GNA13: variants seen among roughly 807,000 people sequenced by gnomAD.
GNA13 encodes guanine nucleotide-binding protein subunit alpha-13.
GNA13 carries 4 observed loss-of-function variants against 33.5 expected under a neutral mutation model. The observed-to-expected ratio is 0.12, with a 90% CI of 0.06 to 0.27. GNA13 has a LOEUF of 0.27. Ranked by LOEUF, GNA13 falls within the 10% of genes least tolerant of loss-of-function variation. GNA13 has a pLI of 1.00. For missense variants in GNA13, 319 were observed against 487.2 expected (o/e 0.65, Z 3.25); for synonymous variants, 176 against 183.8 (o/e 0.96, Z 0.34).
Position 65,056,530 on chromosome 17 carries a change from T to C in GNA13, c.64A>G (p.Ser22Gly). 1 of 1,612,658 alleles carries C rather than the reference T, an allele frequency of 6.2e-7. No individual in the cohort carries two copies. The highest frequency in any genetic ancestry group is 8.5e-7 in the Non-Finnish European group (1 of 1,179,632). ...TTGCGTTGCTGCTCGGCCTCGCCAC[T>C]CGTCAGCAGGCAGCCGGGGAAGCAC... is the stretch of plus-strand genomic sequence containing the variant. Reference protein sequence around the residue: ...SVCFPGCLLTSGEAEQQRKSK... With the variant: ...SVCFPGCLLTGGEAEQQRKSK... Residue 22 changes from serine to glycine, a missense_variant, in exon 1 of 4, where the codon AGT becomes GGT. Ser to Gly is a moderately conservative substitution (Grantham distance 56). Around this residue, in one of 4 missense-constraint regions of GNA13, gnomAD observed 47 missense variants for 64.7 expected, o/e 0.73. Transcript: ENST00000439174.
At chr17:65,046,869 TAGAA>T (rs771909565) in intron 2 of GNA13, among the ~76,000 whole-genome samples, 9 of 152,176 alleles carry the variant, frequency 5.9e-5, no homozygotes, top group Admixed American at 1.3e-4. Flanking sequence ...AAAGGTAATA[TAGAA>T]AGCAGCACAG....
intron 1 of GNA13, among the ~76,000 whole-genome samples, chr17:65,054,692 G>A (rs1182910904): frequency 6.6e-6 from 1 of 152,142 alleles, no homozygotes; most frequent in African/African-American, 2.4e-5. Flanking sequence ...CATAATCAAT[G>A]CTCAACGTAG....
chr17:65,015,662 T>TAA (rs59210481), intron 3 of GNA13, among the ~76,000 whole-genome samples: 4,864 of 74,556 alleles, frequency 0.065, 270 homozygotes, highest in African/African-American at 0.07. Context: ...GACTTTGTCT[T>TAA]AAAAAAAAAA....
At chr17:65,033,580 A>G (rs1218810237) in intron 2 of GNA13, among the ~76,000 whole-genome samples, 1 of 152,180 alleles carries the variant, frequency 6.6e-6, no homozygotes, top group African/African-American at 2.4e-5. Flanking sequence ...GGAGGAGTAA[A>G]ATGTTCAGTT....
At chr17:65,015,662 TAAA>T (rs59210481) in intron 3 of GNA13, among the ~76,000 whole-genome samples, 11 of 74,698 alleles carry the variant, frequency 1.5e-4, no homozygotes, top group Non-Finnish European at 2.3e-4. Flanking sequence ...GACTTTGTCT[TAAA>T]AAAAAAAAAA....
Position 65,014,399 on chromosome 17 carries a change from C to T in GNA13, c.992G>A (p.Arg331Gln), listed in dbSNP as rs551449071. The change falls in exon 4 of 4, where the codon CGG becomes CAG. Residue 331 changes from arginine to glutamine, a missense_variant. This residue lies in a region of GNA13 where 134 missense variants were observed against 241.3 expected (regional missense o/e 0.56). Coordinates refer to ENST00000439174, the MANE Select transcript of GNA13 (RefSeq NM_006572.6). The surrounding 1 kb of genome is among the most constrained non-coding windows in gnomAD (Gnocchi z 5.3). Reference sequence around the variant, plus strand: ...CTGTTGCTGGTCCCGGCGTTTGTTCCGGAAACATTCCACCAGGAATTTTTG... The same window carrying T: ...CTGTTGCTGGTCCCGGCGTTTGTTCTGGAAACATTCCACCAGGAATTTTTG... ...DVQKFLVECF[R>Q]NKRRDQQQKP... 6.2e-6 allele frequency: 10 copies of T among 1,614,058 alleles called. No individual in the cohort carries two copies. The highest frequency in any genetic ancestry group is 7.6e-6 in the Non-Finnish European group (9 of 1,180,002).
Position 65,014,559 on chromosome 17 carries a change from T to A in GNA13, c.832A>T (p.Asn278Tyr). 6.2e-7 allele frequency: 1 copy of A among 1,614,170 alleles called. No homozygotes were observed. Among genetic ancestry groups the A allele is most frequent in the Non-Finnish European group, 8.5e-7 (1 of 1,179,988 alleles). ...ATGGAGACATTGCTGAAAACCCGGT[T>A]ATTGACGATTGTTTCAAAAATGTTC... The part of the protein sequence containing the change: ...SLNIFETIVN[N>Y]RVFSNVSIIL... Residue 278 changes from asparagine to tyrosine, a missense_variant, in exon 4 of 4, where the codon AAC becomes TAC. Around this residue, in one of 4 missense-constraint regions of GNA13, gnomAD observed 134 missense variants for 241.3 expected, o/e 0.56. Transcript: ENST00000439174. This position sits in a 1 kb window ranked among gnomAD's most constrained non-coding sequence, Gnocchi z 5.3.
At chr17:65,028,580 A>T (rs1349785119) in intron 2 of GNA13, among the ~76,000 whole-genome samples, 1 of 152,132 alleles carries the variant, frequency 6.6e-6, no homozygotes, top group African/African-American at 2.4e-5. Context: ...ACTGGTACTT[A>T]GGGCATTTCA....
intron 2 of GNA13, among the ~76,000 whole-genome samples, chr17:65,025,023 C>T (rs1338896810): frequency 6.6e-6 from 1 of 152,078 alleles, no homozygotes; most frequent in Non-Finnish European, 1.5e-5. Flanking sequence ...CAGCCTCCAG[C>T]GTAGGTGGGA....
chr17:65,051,638 A>G (rs537390528), intron 2 of GNA13, among the ~76,000 whole-genome samples: 1 of 152,286 alleles, frequency 6.6e-6, no homozygotes, highest in South Asian at 2.1e-4. Flanking sequence ...AACAGGAGGT[A>G]GAGTGATGGG....
intron 2 of GNA13, among the ~76,000 whole-genome samples, chr17:65,048,695 G>A (rs1907756208): frequency 6.6e-6 from 1 of 152,146 alleles, no homozygotes; most frequent in Admixed American, 6.5e-5. Flanking sequence ...TAACAAATGA[G>A]TAGTCTGCTA....
At chr17:65,018,587 G>A (rs570765398) in intron 2 of GNA13, among the ~76,000 whole-genome samples, 1 of 152,214 alleles carries the variant, frequency 6.6e-6, no homozygotes, top group African/African-American at 2.4e-5. Context: ...CTATAACTAC[G>A]TATCCACAGT....
In GNA13 at chr17:65,037,643, A is replaced by G. The variant is rs922357563; in HGVS notation, c.510+15859T>C. Among the ~76,000 whole-genome samples the G allele has an allele frequency of 6.1e-4, 93 of 151,958 alleles. 1 individual carries two copies. Among genetic ancestry groups the G allele is most frequent in the Non-Finnish European group, 5.0e-4 (34 of 68,000 alleles). ...AGATGTAGAGATTTCTCAAGACTCT[A>G]CTGTCAGACTGAGCACAGTGGCTCA... On this transcript the variant is annotated intron_variant, in intron 2 of 3. Transcript: ENST00000439174.
rs776425874 is a variant in GNA13, at chr17:65,014,335, C to T, written c.1056G>A (p.Thr352=). The T allele has an allele frequency of 4.3e-6, 7 of 1,613,652 alleles. No homozygotes were observed. Among genetic ancestry groups the T allele is most frequent in the East Asian group, 2.2e-5 (1 of 44,890 alleles). Residue 352 remains threonine (T), a synonymous_variant, in exon 4 of 4, where the codon ACG becomes ACA. Coordinates refer to ENST00000439174, the MANE Select transcript of GNA13 (RefSeq NM_006572.6). The surrounding 1 kb of genome is among the most constrained non-coding windows in gnomAD (Gnocchi z 5.3). ...LYHHFTTAIN[T]ENIRLVFRDV... ...CACGGAAAACAAGGCGGATGTTCTC[C>T]GTGTTGATAGCAGTGGTGAAGTGGT...
At position 65,012,142 on chromosome 17, in the gene GNA13, A is replaced by C. The variant is rs531834236; in HGVS notation, c.*2115T>G. The C allele has an allele frequency of 1.8e-5, 4 of 224,342 alleles. No individual in the cohort carries two copies. Among genetic ancestry groups the C allele is most frequent in the African/African-American group, 8.9e-5 (4 of 44,974 alleles). The allele number at this position is 224,342 out of a possible 1,614,324, so 13.9% of individuals were successfully genotyped here. Reference sequence around the variant, plus strand: ...TTCAACACTTCTTGGTGGTAATTCAAAAGGGGGAAACTTGGTGATTTCTGC... The same window carrying C: ...TTCAACACTTCTTGGTGGTAATTCACAAGGGGGAAACTTGGTGATTTCTGC... On this transcript the variant is annotated 3_prime_UTR_variant, in exon 4 of 4. Transcript: ENST00000439174.
In GNA13 at chr17:65,056,579, C is replaced by G; in HGVS notation, c.15G>C (p.Leu5=). MADF[L]PSRSVLSVCF... is the part of the protein sequence containing the mutation. ...ACACGGACAGCACGGACCGCGACGG[C>G]AGGAAGTCCGCCATCTTGCCGCCGC... is the stretch of plus-strand genomic sequence containing the variant. Residue 5 remains leucine (L), a synonymous_variant, in exon 1 of 4, where the codon CTG becomes CTC. Transcript: ENST00000439174. 1 of 1,603,292 alleles carries G rather than the reference C, an allele frequency of 6.2e-7. No individual in the cohort carries two copies. Among genetic ancestry groups the G allele is most frequent in the Non-Finnish European group, 8.5e-7 (1 of 1,176,504 alleles).
intron 2 of GNA13, among the ~76,000 whole-genome samples, chr17:65,037,792 A>AAAAAAAAAAAAAAAAC (rs1907308074): frequency 1.7e-4 from 25 of 149,820 alleles, no homozygotes; most frequent in South Asian, 4.2e-4. Flanking sequence ...AAAAAAAAAA[A>AAAAAAAAAAAAAAAAC]AAAAAAAAGA....
At chr17:65,056,255 G>GCCCCTAAACCC in intron 1 of GNA13, 56 bp downstream of exon 1, 1 of 508,074 alleles carries the variant, frequency 2.0e-6, no homozygotes. Context: ...CCCCGCACCC[G>GCCCCTAAACCC]CCGCCGCCCC....
At chr17:65,043,701 G>T (rs1252776159) in intron 2 of GNA13, among the ~76,000 whole-genome samples, 1 of 152,088 alleles carries the variant, frequency 6.6e-6, no homozygotes, top group African/African-American at 2.4e-5. Flanking sequence ...ATATCTGTAG[G>T]CCAGGACTGA....
Sources: allele counts gnomAD v4.1 joint callset (sites outside exome capture counted in the v4.1 genomes callset), GRCh38; gene constraint gnomAD v4.1.1; regional missense constraint gnomAD v4.1.1; non-coding constraint Gnocchi (gnomAD v3.1); transcripts MANE v1.5; gene names NCBI Gene and HGNC (gene_info 2026-07-23, HGNC 2026-07-21).